The following TRPV6 variants were observed in gnomAD, a reference collection of about 807,000 sequenced individuals.
The protein encoded by TRPV6 is transient receptor potential cation channel subfamily V member 6, also known as Alu-binding protein with zinc finger domain.
TRPV6 carries 39 observed loss-of-function variants against 79.0 expected under a neutral mutation model. The ratio of observed to expected loss-of-function variants is 0.49; its 90% CI spans 0.38 to 0.64. TRPV6 has a LOEUF of 0.64. Among genes scored for constraint, TRPV6 ranks in the 30% least tolerant of loss-of-function variants. The pLI is 0.00. For synonymous variants in TRPV6, 373 were observed against 391.9 expected (o/e 0.95, Z 0.57); for missense variants, 813 against 1,011.1 (o/e 0.80, Z 2.66).
chr7:142,874,026 CT>C (rs760903294), intron 12 of TRPV6, 49 bp downstream of exon 12: 22 of 1,593,738 alleles, frequency 1.4e-5, no homozygotes, highest in Non-Finnish European at 1.8e-5. Context: ...GCCCCCTAGA[CT>C]TCCTCATCTC....
intron 11 of TRPV6, 97 bp from the exon 12 acceptor site, chr7:142,874,239 T>A (rs1028957077): frequency 1.5e-6 from 2 of 1,379,028 alleles, no homozygotes; most frequent in African/African-American, 2.9e-5. Flanking sequence ...GTCTCACAGC[T>A]CCACCCTCTG....
Position 142,885,650 on chromosome 7 carries a change from C to A in TRPV6, c.-14G>T. The A allele has an allele frequency of 7.9e-7, 1 of 1,273,050 alleles. No homozygotes were observed. The highest frequency in any genetic ancestry group is 2.5e-5 in the East Asian group (1 of 39,684). The allele number at this position is 1,273,050 out of a possible 1,614,324, so 78.9% of individuals were successfully genotyped here. A position where few individuals can be genotyped will look rare whatever the true frequency, so the allele number is the denominator to read the frequency against. On this transcript the variant is annotated 5_prime_UTR_variant, in exon 1 of 15. Transcript: ENST00000359396. ...TAGAGGTCCCGTCTCCTGTCTCCTG[C>A]CTTCCTGACGAGTTCCTTGGGAGTC...
chr7:142,871,425 T>C lies in TRPV6; in HGVS notation c.*282A>G. On this transcript the variant is annotated 3_prime_UTR_variant, in exon 15 of 15. Transcript: ENST00000359396. ...AGGCTGGCCTGTTTTTAAAGTGCTC[T>C]GACATGCAGTGCTCCTGTCGGAAGG... The C allele has an allele frequency of 2.1e-6, 1 of 478,978 alleles. No homozygotes were observed. Among genetic ancestry groups the C allele is most frequent in the East Asian group, 3.7e-5 (1 of 27,050 alleles). The allele number at this position is 478,978 out of a possible 1,614,324, so 29.7% of individuals were successfully genotyped here. A position where few individuals can be genotyped will look rare whatever the true frequency, so the allele number is the denominator to read the frequency against.
At chr7:142,874,280 A>G (rs1795006446) in intron 11 of TRPV6, 138 bp from the exon 12 acceptor site, 2 of 1,147,802 alleles carry the variant, frequency 1.7e-6, no homozygotes, top group South Asian at 2.7e-5. Flanking sequence ...TGGCCTGTGG[A>G]CCAGATCTAC....
chr7:142,876,585 T>C lies in TRPV6; in HGVS notation c.707-2A>G, dbSNP rs201601495. The C allele has an allele frequency of 6.2e-7, 1 of 1,613,994 alleles. No homozygotes were observed. The highest frequency in any genetic ancestry group is 8.5e-7 in the Non-Finnish European group (1 of 1,179,930). On this transcript the variant is annotated splice_acceptor_variant, in intron 5 of 14. Transcript: ENST00000359396. LOFTEE classifies it high-confidence loss of function. ...TGAGGATGTGTAACACTGTGTTTCC[T>C]GGGGAGGACACAGGGTATCATGTGG...
intron 11 of TRPV6, 120 bp from the exon 12 acceptor site, chr7:142,874,262 G>A (rs1186096600): frequency 4.0e-6 from 5 of 1,235,666 alleles, no homozygotes; most frequent in Non-Finnish European, 5.8e-6. Context: ...ACAGGGATTG[G>A]CTATCTATGG....
intron 1 of TRPV6, chr7:142,882,697 T>G (rs912207796): frequency 1.3e-5 from 2 of 152,188 alleles, no homozygotes; most frequent in Non-Finnish European, 2.9e-5. Flanking sequence ...TGTGCACATG[T>G]CTATTTGCGC....
chr7:142,875,278 G>T, intron 8 of TRPV6, 114 bp from the exon 9 acceptor site: 3 of 1,378,186 alleles, frequency 2.2e-6, no homozygotes, highest in South Asian at 2.5e-5. Flanking sequence ...TGTTAGGTTT[G>T]GGTCTTCTCA....
chr7:142,875,622 C>A lies in TRPV6; in HGVS notation c.1088G>T (p.Arg363Leu). The A allele has an allele frequency of 1.2e-6, 2 of 1,613,792 alleles. No homozygotes were observed. The highest frequency in any genetic ancestry group is 1.7e-6 in the Non-Finnish European group (2 of 1,179,942). ...CATGCAGAAGTACGGCCGCCCGTACCGCTTCCACTTGAGGCTCACCAGCTC... is the reference window on the plus strand; with the variant it reads ...CATGCAGAAGTACGGCCGCCCGTACAGCTTCCACTTGAGGCTCACCAGCTC... The change falls in exon 8 of 15, where the codon CGG (arginine) becomes CTG (leucine). Residue 363 changes from arginine (R) to leucine (L), a missense_variant. Physicochemically the swap from Arg to Leu is moderately radical, Grantham distance 102. Coordinates refer to ENST00000359396, the MANE Select transcript of TRPV6 (RefSeq NM_018646.6).
chr7:142,873,560 T>C lies in TRPV6; in HGVS notation c.1796A>G (p.Tyr599Cys), dbSNP rs1435487321. 2.5e-6 allele frequency: 4 copies of C among 1,614,034 alleles called. No individual in the cohort carries two copies. Among genetic ancestry groups the C allele is most frequent in the Non-Finnish European group, 2.5e-6 (3 of 1,180,046 alleles). The change falls in exon 13 of 15, where the codon TAT (tyrosine) becomes TGT (cysteine). Residue 599 changes from tyrosine to cysteine, a missense_variant. Around this residue, in one of 3 missense-constraint regions of TRPV6, gnomAD observed 94 missense variants for 194.0 expected, o/e 0.48. Transcript: ENST00000359396. The surrounding 1 kb of genome is among the most constrained non-coding windows in gnomAD (Gnocchi z 4.8). ...TGTGGCGATGATGGCAAAGGCAGCA[T>C]AGGTGATGCTGTACATGAAGGGCAG...
At chr7:142,880,325 C>T (rs1323044677) in intron 1 of TRPV6, 1 of 152,226 alleles carries the variant, frequency 6.6e-6, no homozygotes, top group Non-Finnish European at 1.5e-5. Context: ...AAGTTCTTCA[C>T]TCTCTCCTGT....
In TRPV6 at chr7:142,885,568, G is replaced by C; in HGVS notation, c.69C>G (p.Pro23=). 3.2e-6 allele frequency: 5 copies of C among 1,548,054 alleles called. No individual in the cohort carries two copies. The highest frequency in any genetic ancestry group is 4.4e-6 in the Non-Finnish European group (5 of 1,145,556). The change falls in exon 1 of 15, where the codon CCC becomes CCG. Residue 23 remains proline (P), a synonymous_variant. Coordinates refer to ENST00000359396, the MANE Select transcript of TRPV6 (RefSeq NM_018646.6). ...CCTGAGGCCGAGGCCAGACCCTGAC[G>C]GGACTCAGCCTTGGGGCCACATCAG...
rs751209168 is a variant in TRPV6, at chr7:142,875,071, A to C, written c.1329+7T>G. ...ACAGCCTCACCCAGAGTCCATCCAC[A>C]CCTCACCTCTACCAGCAGGATGATG... On this transcript the variant is annotated splice_region_variant and intron_variant, in intron 9 of 14. Transcript: ENST00000359396. 6.2e-7 allele frequency: 1 copy of C among 1,613,964 alleles called. No homozygotes were observed. The highest frequency in any genetic ancestry group is 8.5e-7 in the Non-Finnish European group (1 of 1,179,980).
Position 142,871,222 on chromosome 7 carries a change from G to A in TRPV6, c.*485C>T, listed in dbSNP as rs1198715559. On this transcript the variant is annotated 3_prime_UTR_variant, in exon 15 of 15. Transcript: ENST00000359396. ...GGCAGCTGGGCAGGGATCCGAAAAC[G>A]ACTTTATTGAAGATGGAGTTGGCAA... The A allele has an allele frequency of 2.8e-5, 15 of 536,976 alleles. No individual in the cohort carries two copies. Among genetic ancestry groups the A allele is most frequent in the South Asian group, 6.1e-5 (3 of 48,956 alleles). 33.3% of individuals were successfully genotyped at this position (536,976 alleles called of 1,614,324 possible).
intron 13 of TRPV6, 95 bp from the exon 14 acceptor site, chr7:142,872,573 A>G: frequency 8.2e-7 from 1 of 1,225,698 alleles, no homozygotes; most frequent in South Asian, 1.3e-5. Flanking sequence ...TCAGTGGGAG[A>G]GAGTTGATAG....
At chr7:142,885,276 G>T in intron 1 of TRPV6, 113 bp downstream of exon 1, 2 of 1,318,620 alleles carry the variant, frequency 1.5e-6, no homozygotes, top group Non-Finnish European at 1.0e-6. Context: ...GGGCCTGGGA[G>T]CACCATCTGT....
chr7:142,875,502 CG>C lies in TRPV6; in HGVS notation c.1207del (p.Arg403GlyfsTer16). The C allele has an allele frequency of 1.2e-6, 2 of 1,600,620 alleles. No individual in the cohort carries two copies. Reference sequence around the variant, plus strand: ...CTTCTGCTGTAAGAGGGTGTTGTCCCGGGGGCTCGTGCGGTTATTGGTCCTG... The same window carrying C: ...CTTCTGCTGTAAGAGGGTGTTGTCCCGGGGCTCGTGCGGTTATTGGTCCTG... On this transcript the variant is annotated frameshift_variant, in exon 8 of 15. Coordinates refer to ENST00000359396, the MANE Select transcript of TRPV6 (RefSeq NM_018646.6). LOFTEE classifies it high-confidence loss of function.
In TRPV6 at chr7:142,873,030, T is replaced by C. The variant is rs1024856026; in HGVS notation, c.1908+418A>G. On this transcript the variant is annotated intron_variant, in intron 13 of 14. Coordinates refer to ENST00000359396, the MANE Select transcript of TRPV6 (RefSeq NM_018646.6). The surrounding 1 kb of genome is among the most constrained non-coding windows in gnomAD (Gnocchi z 4.8). ...AGATCTGGCTGAAGATAGCTTCTGC[T>C]ACTATAGGAAGTTTTGGTGGCATTA... is the stretch of plus-strand genomic sequence containing the variant. Among the ~76,000 whole-genome samples the C allele has an allele frequency of 4.6e-5, 7 of 152,256 alleles. No individual in the cohort carries two copies. The highest frequency in any genetic ancestry group is 1.7e-4 in the African/African-American group (7 of 41,472).
At chr7:142,877,589 G>A in intron 3 of TRPV6, 62 bp downstream of exon 3, 1 of 1,581,106 alleles carries the variant, frequency 6.3e-7, no homozygotes, top group Admixed American at 1.8e-5. Context: ...CCATCACAGA[G>A]ACTGACTTGA....
Sources: allele counts gnomAD v4.1 joint callset (sites outside exome capture counted in the v4.1 genomes callset), GRCh38; gene constraint gnomAD v4.1.1; regional missense constraint gnomAD v4.1.1; non-coding constraint Gnocchi (gnomAD v3.1); transcripts MANE v1.5; gene names NCBI Gene and HGNC (gene_info 2026-07-23, HGNC 2026-07-21).